Variants in ABHD16A observed in about 807,000 individuals in gnomAD.
ABHD16A encodes the protein phosphatidylserine lipase ABHD16A.
A neutral mutation model predicts 89.8 loss-of-function variants in ABHD16A; 47 were observed. That is an observed-to-expected ratio of 0.52 (90% CI 0.41 to 0.67). The LOEUF is 0.67. ABHD16A is among the 30% of genes least tolerant of loss of function. The probability of loss-of-function intolerance (pLI) is 0.00; values close to 1 mark genes in which losing one functional copy is unlikely to be tolerated. For synonymous variants in ABHD16A, 251 were observed against 280.4 expected (o/e 0.90, Z 1.05); for missense variants, 580 against 734.6 (o/e 0.79, Z 2.43).
At chr6:31,700,298 G>T (rs961394902) in intron 4 of ABHD16A, among the ~76,000 whole-genome samples, 2 of 151,862 alleles carry the variant, frequency 1.3e-5, no homozygotes, top group Non-Finnish European at 2.9e-5. Context: ...GCTAATTTTT[G>T]TATTTTTGGT....
chr6:31,697,162 G>T, intron 4 of ABHD16A, 129 bp from the exon 5 acceptor site: 1 of 789,042 alleles, frequency 1.3e-6, no homozygotes, highest in South Asian at 1.7e-5. Context: ...AGGAACTGAG[G>T]GCATAGGATG....
rs201486092 is a variant in ABHD16A, at chr6:31,691,845, T to C, written c.700A>G (p.Met234Val). 6.2e-7 allele frequency: 1 copy of C among 1,611,848 alleles called. No homozygotes were observed. The highest frequency in any genetic ancestry group is 8.5e-7 in the Non-Finnish European group (1 of 1,179,796). The stretch of plus-strand genomic sequence containing the variant: ...GCCTGGCCCTGCAGCAGCACAGGCA[T>C]GAGGGCCTTCTGCAGCAGGTACACA... Reference protein sequence around the residue: ...GSVYLLQKALMPVLLQGQARL... With the variant: ...GSVYLLQKALVPVLLQGQARL... The change falls in exon 8 of 20, where the codon ATG becomes GTG. Residue 234 changes from methionine (M) to valine (V), a missense_variant. Coordinates refer to ENST00000395952, the MANE Select transcript of ABHD16A (RefSeq NM_021160.3).
Position 31,689,717 on chromosome 6 carries a change from G to C in ABHD16A, c.958-13C>G, listed in dbSNP as rs1474039904. 4 of 1,605,008 alleles carry C rather than the reference G, an allele frequency of 2.5e-6. No individual in the cohort carries two copies. Among genetic ancestry groups the C allele is most frequent in the Non-Finnish European group, 3.4e-6 (4 of 1,175,912 alleles). ...GGAATGGCACCCCCTGCAGGAGAAA[G>C]GGCAAAGTCAGGAGTGTGTCAGCAC... On this transcript the variant is annotated splice_polypyrimidine_tract_variant and intron_variant, in intron 11 of 19. Coordinates refer to ENST00000395952, the MANE Select transcript of ABHD16A (RefSeq NM_021160.3).
In ABHD16A at chr6:31,698,617, C is replaced by T. The variant is rs1804616614; in HGVS notation, c.344-1584G>A. Among the ~76,000 whole-genome samples the T allele has an allele frequency of 6.6e-6, 1 of 152,094 alleles. No homozygotes were observed. Among genetic ancestry groups the T allele is most frequent in the Non-Finnish European group, 1.5e-5 (1 of 68,014 alleles). On this transcript the variant is annotated intron_variant, in intron 4 of 19. Coordinates refer to ENST00000395952, the MANE Select transcript of ABHD16A (RefSeq NM_021160.3). The surrounding 1 kb of genome is among the most constrained non-coding windows in gnomAD (Gnocchi z 4.1). The stretch of plus-strand genomic sequence containing the variant: ...TCTCCTGCCACAGCCTCCCAAATAG[C>T]TGGGATTACAAGCGCCCGCCACCAT...
At chr6:31,702,557 C>T (rs999177470) in intron 1 of ABHD16A, 4 of 1,394,384 alleles carry the variant, frequency 2.9e-6, no homozygotes, top group Non-Finnish European at 3.8e-6. Context: ...TTGTAGGAGA[C>T]AGTAACACAA....
Position 31,696,928 on chromosome 6 carries a change from C to G in ABHD16A, c.429+20G>C. On this transcript the variant is annotated intron_variant, in intron 5 of 19. Transcript: ENST00000395952. ...GCTGCTATTGGGTGCCTGTGTGGCA[C>G]TTTTCCTAGGGCCTCTCACCTTGTT... 1 of 1,608,868 alleles carries G rather than the reference C, an allele frequency of 6.2e-7. No homozygotes were observed. Among genetic ancestry groups the G allele is most frequent in the Non-Finnish European group, 8.5e-7 (1 of 1,176,216 alleles).
chr6:31,690,517 G>A lies in ABHD16A; in HGVS notation c.907+22C>T. 1.9e-6 allele frequency: 3 copies of A among 1,612,388 alleles called. No homozygotes were observed. Among genetic ancestry groups the A allele is most frequent in the Non-Finnish European group, 2.5e-6 (3 of 1,179,410 alleles). ...ATTCCCTTTCAAAGGGCGGAGATAA[G>A]GAGGCTGAGTCACCGTCCTACCTTC... On this transcript the variant is annotated intron_variant, in intron 10 of 19. Coordinates refer to ENST00000395952, the MANE Select transcript of ABHD16A (RefSeq NM_021160.3). The surrounding 1 kb of genome is among the most constrained non-coding windows in gnomAD (Gnocchi z 4.1).
intron 4 of ABHD16A, among the ~76,000 whole-genome samples, chr6:31,699,301 C>T (rs60113947): frequency 6.8e-6 from 1 of 147,124 alleles, no homozygotes; most frequent in Admixed American, 6.9e-5. Flanking sequence ...CCCAGCTACT[C>T]GGGAGGCTGA....
chr6:31,691,448 A>G, intron 9 of ABHD16A, 131 bp downstream of exon 9: 2 of 747,934 alleles, frequency 2.7e-6, no homozygotes, highest in South Asian at 1.7e-5. Context: ...CAAGGTCTTT[A>G]GCGTGGAGCT....
chr6:31,691,344 T>A, intron 9 of ABHD16A: 1 of 526,446 alleles, frequency 1.9e-6, no homozygotes, highest in Non-Finnish European at 3.4e-6. Flanking sequence ...AAGTGTGAAG[T>A]GCTGTCAAAG....
At chr6:31,700,573 T>C (rs1384332705) in intron 4 of ABHD16A, among the ~76,000 whole-genome samples, 3 of 152,194 alleles carry the variant, frequency 2.0e-5, no homozygotes, top group East Asian at 1.9e-4. Context: ...TATACATATA[T>C]AGAATTGTTG....
intron 7 of ABHD16A, among the ~76,000 whole-genome samples, chr6:31,692,461 T>C (rs917604099): frequency 6.6e-6 from 1 of 152,200 alleles, no homozygotes; most frequent in Non-Finnish European, 1.5e-5. Flanking sequence ...CTATAAGATA[T>C]AGGTGGTTAT....
At position 31,688,875 on chromosome 6, in the gene ABHD16A, G is replaced by A. The variant is rs1803565604; in HGVS notation, c.1187-89C>T. 2.7e-6 allele frequency: 4 copies of A among 1,477,522 alleles called. No homozygotes were observed. Among genetic ancestry groups the A allele is most frequent in the Non-Finnish European group, 3.7e-6 (4 of 1,076,018 alleles). 91.5% of individuals were successfully genotyped at this position (1,477,522 alleles called of 1,614,324 possible). ...ACTATTCACGGAGAAAGAAAACTGA[G>A]GCCCCCAGACAAAGGAGTCCTCCTG... On this transcript the variant is annotated intron_variant, in intron 13 of 19. Coordinates refer to ENST00000395952, the MANE Select transcript of ABHD16A (RefSeq NM_021160.3). This position sits in a 1 kb window ranked among gnomAD's most constrained non-coding sequence, Gnocchi z 4.9.
Position 31,687,136 on chromosome 6 carries a change from A to C in ABHD16A, c.*76T>G. 3 of 1,373,954 alleles carry C rather than the reference A, an allele frequency of 2.2e-6. No individual in the cohort carries two copies. The highest frequency in any genetic ancestry group is 1.3e-5 in the South Asian group (1 of 79,300). 85.1% of individuals were successfully genotyped at this position (1,373,954 alleles called of 1,614,324 possible). ...AAACTATAAACAGCAACATGAACAC[A>C]GAGAATCACAAATAAGAGGGTCTTT... On this transcript the variant is annotated 3_prime_UTR_variant, in exon 20 of 20. Transcript: ENST00000395952. The surrounding 1 kb of genome is among the most constrained non-coding windows in gnomAD (Gnocchi z 6.3).
chr6:31,699,231 C>T (rs148737773), intron 4 of ABHD16A, among the ~76,000 whole-genome samples: 1,628 of 151,780 alleles, frequency 0.011, 23 homozygotes, highest in African/African-American at 0.032. Context: ...ACGGTGAAAC[C>T]CCATCTCTAC....
In ABHD16A at chr6:31,691,379, C is replaced by T. The variant is rs977759439; in HGVS notation, c.843+200G>A. 3 of 561,174 alleles carry T rather than the reference C, an allele frequency of 5.3e-6. No homozygotes were observed. The South Asian group carries it at 7.5e-5, about 14-fold the overall frequency. The allele number at this position is 561,174 out of a possible 1,614,324, so 34.8% of individuals were successfully genotyped here. A position where few individuals can be genotyped will look rare whatever the true frequency, so the allele number is the denominator to read the frequency against. On this transcript the variant is annotated intron_variant, in intron 9 of 19. Coordinates refer to ENST00000395952, the MANE Select transcript of ABHD16A (RefSeq NM_021160.3). ...GTGGTAACTATTAATATTAGTTTCT[C>T]GTCCTTGAACGTCTCTCCTACTTCA...
chr6:31,696,163 C>CAAAA (rs59018866), intron 5 of ABHD16A, among the ~76,000 whole-genome samples: 1 of 69,704 alleles, frequency 1.4e-5, no homozygotes. Context: ...GACTCCGTCT[C>CAAAA]AAAAAAAAAA....
intron 5 of ABHD16A, among the ~76,000 whole-genome samples, chr6:31,696,745 G>A (rs1465302260): frequency 6.6e-6 from 1 of 152,220 alleles, no homozygotes; most frequent in African/African-American, 2.4e-5. Context: ...TCCATTAGAA[G>A]TGGTAGGGAG....
Position 31,700,393 on chromosome 6 carries a change from G to A in ABHD16A, c.343+549C>T, listed in dbSNP as rs553017238. ...CTGGCCTCTGCCTCCCAAAGTGCTG[G>A]GATTACAGGCATGAGCCACCACACC... On this transcript the variant is annotated intron_variant, in intron 4 of 19. Coordinates refer to ENST00000395952, the MANE Select transcript of ABHD16A (RefSeq NM_021160.3). 2.0e-5 allele frequency among the ~76,000 whole-genome samples: 3 copies of A among 152,166 alleles called. No individual in the cohort carries two copies. In the South Asian group the frequency reaches 6.2e-4, roughly 32 times the overall value.
Sources: gnomAD v4.1 joint callset for allele counts (sites outside exome capture counted in the v4.1 genomes callset) on GRCh38, gnomAD v4.1.1 for gene constraint, Gnocchi (gnomAD v3.1) non-coding constraint, MANE v1.5 for transcripts, NCBI Gene and HGNC (gene_info 2026-07-23, HGNC 2026-07-21) for gene names.